DISP3: variants seen among roughly 807,000 people sequenced by gnomAD.
DISP3 encodes the protein dispatched RND transporter family member 3, also known as protein dispatched homolog 3.
DISP3 carries 101 observed loss-of-function variants against 135.3 expected under a neutral mutation model. The ratio of observed to expected loss-of-function variants is 0.75; its 90% CI spans 0.64 to 0.88. The LOEUF (loss-of-function observed/expected upper bound fraction) is 0.88. DISP3 is among the 40% of genes least tolerant of loss of function. The pLI is 0.00. For missense variants in DISP3, 1,713 were observed against 1,878.6 expected, an observed-to-expected ratio of 0.91 and a Z score of 1.63; for synonymous variants, 856 against 817.0, an observed-to-expected ratio of 1.05 and a Z score of -0.81.
chr1:11,510,609 T>TTTCAGTGTTTTTTGTTTC (rs59899154), intron 3 of DISP3, among the ~76,000 whole-genome samples: 129,384 of 152,012 alleles, frequency 0.85, 55,163 homozygotes, highest in Admixed American at 0.88. Flanking sequence ...TCATTACCAT[T>TTTCAGTGTTTTTTGTTTC]TTTGTATAGA....
chr1:11,530,979 A>G lies in DISP3; in HGVS notation c.3175A>G (p.Ile1059Val), dbSNP rs1642561924. 1.2e-6 allele frequency: 2 copies of G among 1,614,000 alleles called. No individual in the cohort carries two copies. The highest frequency in any genetic ancestry group is 1.3e-5 in the African/African-American group (1 of 75,040). ...IGHLCHLCKA[I>V]AANSELVKPG... The stretch of plus-strand genomic sequence containing the variant: ...GCACCTGTGTCACCTCTGCAAGGCC[A>G]TCGCAGCCAACTCCGAGCTGGTGAA... The change falls in exon 16 of 21, where the codon ATC becomes GTC. Residue 1059 changes from isoleucine to valine, a missense_variant. Around this residue, in one of 2 missense-constraint regions of DISP3, gnomAD observed 1,142 missense variants for 1,384.6 expected, o/e 0.82. Transcript: ENST00000294484.
Position 11,483,499 on chromosome 1 carries a change from C to T in DISP3, c.-4+4127C>T, listed in dbSNP as rs902124070. 3.9e-5 allele frequency among the ~76,000 whole-genome samples: 6 copies of T among 152,156 alleles called. No individual in the cohort carries two copies. Among genetic ancestry groups the T allele is most frequent in the African/African-American group, 9.7e-5 (4 of 41,428 alleles). ...AAGAGACTTGCCCAAGGTCACACAG[C>T]GAGAAGAGGCCAAGCTGGGATCAGA... On this transcript the variant is annotated intron_variant, in intron 1 of 20. Transcript: ENST00000294484. The surrounding 1 kb of genome is among the most constrained non-coding windows in gnomAD (Gnocchi z 5.4).
chr1:11,523,838 A>G, intron 10 of DISP3, 104 bp from the exon 11 acceptor site: 3 of 846,952 alleles, frequency 3.5e-6, no homozygotes, highest in South Asian at 3.8e-5. Context: ...CCTGGGCCCC[A>G]GTTCCTGAGA....
At chr1:11,528,767 C>A (rs1229161632) in intron 13 of DISP3, among the ~76,000 whole-genome samples, 6 of 152,094 alleles carry the variant, frequency 3.9e-5, no homozygotes. Flanking sequence ...TGCACGGGGA[C>A]TGTGGTCTCC....
At chr1:11,485,522 A>G (rs1448884000) in intron 1 of DISP3, among the ~76,000 whole-genome samples, 1 of 152,150 alleles carries the variant, frequency 6.6e-6, no homozygotes, top group African/African-American at 2.4e-5. Context: ...AACGGGGGTC[A>G]GGGTGGGGAA....
intron 3 of DISP3, among the ~76,000 whole-genome samples, chr1:11,503,514 G>A (rs1311079248): frequency 6.6e-6 from 1 of 152,178 alleles, no homozygotes; most frequent in Non-Finnish European, 1.5e-5. Context: ...GAGTCCGAAG[G>A]CCAGAGAGCG....
At chr1:11,497,138 T>G (rs1557596270) in intron 1 of DISP3, among the ~76,000 whole-genome samples, 1 of 152,238 alleles carries the variant, frequency 6.6e-6, no homozygotes, top group Non-Finnish European at 1.5e-5. Context: ...CCCCTGCCTA[T>G]GCTTATGTGG....
rs775282204 is a variant in DISP3 at position 11,501,501 on chromosome 1, GAGCCCCCCGCGTCATCCC to G, written c.510_527del (p.Pro172_Ala177del). On this transcript the variant is annotated inframe_deletion, in exon 2 of 21. Coordinates refer to ENST00000294484, the MANE Select transcript of DISP3 (RefSeq NM_020780.2). This position sits in a 1 kb window ranked among gnomAD's most constrained non-coding sequence, Gnocchi z 4.9. ...GGCAACCGCTCGCGGCAAGCCTCCCGAGCCCCCCGCGTCATCCCCGCGGCCTCACTCGGTGGCCCAGGC... is the reference window on the plus strand; with the variant it reads ...GGCAACCGCTCGCGGCAAGCCTCCCGCGCGGCCTCACTCGGTGGCCCAGGC... 1 of 1,606,546 alleles carries G rather than the reference GAGCCCCCCGCGTCATCCC, an allele frequency of 6.2e-7. No homozygotes were observed. Among genetic ancestry groups the G allele is most frequent in the African/African-American group, 1.3e-5 (1 of 74,848 alleles).
At chr1:11,480,920 T>C (rs1374215537) in intron 1 of DISP3, among the ~76,000 whole-genome samples, 1 of 112,442 alleles carries the variant, frequency 8.9e-6, no homozygotes, top group Non-Finnish European at 1.7e-5. Context: ...TGCTTGGCTC[T>C]CTACCTCAAT....
rs757828352 is a variant in DISP3, at chr1:11,519,368, T to G, written c.1903T>G (p.Cys635Gly). Reference protein sequence around the residue: ...SSCQTSCHQNCSRKTSLHFPG... With the variant: ...SSCQTSCHQNGSRKTSLHFPG... ...CTCTCTCCACAGCTGCCACCAGAAT[T>G]GCAGCCGGAAGACCTCCCTGCACTT... The change falls in exon 8 of 21, where the codon TGC (cysteine) becomes GGC (glycine). Residue 635 changes from cysteine to glycine, a missense_variant. By Grantham distance (159) the Cys-to-Gly change is radical. Transcript: ENST00000294484. The surrounding 1 kb of genome is among the most constrained non-coding windows in gnomAD (Gnocchi z 4.3). 6.2e-7 allele frequency: 1 copy of G among 1,613,722 alleles called. No individual in the cohort carries two copies. The highest frequency in any genetic ancestry group is 1.7e-5 in the Admixed American group (1 of 59,994).
rs111262313 is a variant in DISP3, at chr1:11,522,900, C to A, written c.2363-1042C>A. On this transcript the variant is annotated intron_variant, in intron 10 of 20. Transcript: ENST00000294484. ...AGCCAGAGCCCAGCCAGGACCCAGC[C>A]AGAGCCCAGCCAGGACCCAGCAAGG... Among the ~76,000 whole-genome samples the A allele has an allele frequency of 3.8e-4, 19 of 49,362 alleles. 2 individuals carry two copies. The highest frequency in any genetic ancestry group is 1.3e-3 in the African/African-American group (14 of 10,692). 32.4% of individuals were successfully genotyped at this position (49,362 alleles called of 152,430 possible). A position where few individuals can be genotyped will look rare whatever the true frequency, so the allele number is the denominator to read the frequency against.
At position 11,522,639 on chromosome 1, in the gene DISP3, A is replaced by ACCCAGCCAGAGCCCAGCCAGG. The variant is rs1557615099; in HGVS notation, c.2363-1303_2363-1302insCCCAGCCAGAGCCCAGCCAGG. Among the ~76,000 whole-genome samples, 42 of 50,102 alleles carry ACCCAGCCAGAGCCCAGCCAGG rather than the reference A, an allele frequency of 8.4e-4. 2 individuals carry two copies. Among genetic ancestry groups the ACCCAGCCAGAGCCCAGCCAGG allele is most frequent in the East Asian group, 2.1e-3 (3 of 1,412 alleles). 32.9% of individuals were successfully genotyped at this position (50,102 alleles called of 152,430 possible). On this transcript the variant is annotated intron_variant, in intron 10 of 20. Transcript: ENST00000294484. ...CAGGACCCAGCCAGAGCCCAGCCAGAGCCCAGCCAGGGCCCAGCCAGAGCC... is the reference window on the plus strand; with the variant it reads ...CAGGACCCAGCCAGAGCCCAGCCAGACCCAGCCAGAGCCCAGCCAGGGCCCAGCCAGGGCCCAGCCAGAGCC...
At chr1:11,525,088 C>T (rs746670525) in intron 11 of DISP3, 88 bp from the exon 12 acceptor site, 11 of 1,516,124 alleles carry the variant, frequency 7.3e-6, no homozygotes, top group African/African-American at 4.1e-5. Context: ...GCTCGTTAGT[C>T]GACAGAGCTG....
Position 11,516,836 on chromosome 1 carries a change from T to C in DISP3, c.1750-627T>C, listed in dbSNP as rs1477087587. The stretch of plus-strand genomic sequence containing the variant: ...CTTCTAGAAGGTAGGCAGAGCTGGG[T>C]TCAGCTTCTGCAGTGTGACCTTGGG... On this transcript the variant is annotated intron_variant, in intron 6 of 20. Coordinates refer to ENST00000294484, the MANE Select transcript of DISP3 (RefSeq NM_020780.2). The surrounding 1 kb of genome is among the most constrained non-coding windows in gnomAD (Gnocchi z 5.1). Among the ~76,000 whole-genome samples, 1 of 152,192 alleles carries C rather than the reference T, an allele frequency of 6.6e-6. No homozygotes were observed. Among genetic ancestry groups the C allele is most frequent in the Non-Finnish European group, 1.5e-5 (1 of 68,026 alleles).
At position 11,501,666 on chromosome 1, in the gene DISP3, G is replaced by A. The variant is rs1299514605; in HGVS notation, c.674G>A (p.Arg225Gln). Residue 225 changes from arginine (R) to glutamine (Q), a missense_variant, in exon 2 of 21, where the codon CGG becomes CAG. Physicochemically the swap from Arg to Gln is conservative, Grantham distance 43. Coordinates refer to ENST00000294484, the MANE Select transcript of DISP3 (RefSeq NM_020780.2). This position sits in a 1 kb window ranked among gnomAD's most constrained non-coding sequence, Gnocchi z 4.9. ...ANQSEDPRNQ[R>Q]LSKNGRYQPS... is the part of the protein sequence containing the mutation. ...CAGAGTGAAGACCCGCGAAACCAGCGGCTGAGCAAGAATGGGCGGTACCAG... is the reference window on the plus strand; with the variant it reads ...CAGAGTGAAGACCCGCGAAACCAGCAGCTGAGCAAGAATGGGCGGTACCAG... 2 of 1,608,002 alleles carry A rather than the reference G, an allele frequency of 1.2e-6. No homozygotes were observed. The highest frequency in any genetic ancestry group is 2.2e-5 in the East Asian group (1 of 44,688).
chr1:11,487,264 CT>C (rs1641063466), intron 1 of DISP3, among the ~76,000 whole-genome samples: 1 of 152,128 alleles, frequency 6.6e-6, no homozygotes, highest in South Asian at 2.1e-4. Context: ...TCGGAGGAGC[CT>C]GGGGAGGGGG....
chr1:11,531,620 C>T lies in DISP3; in HGVS notation c.3285C>T (p.Pro1095=), dbSNP rs376865683. The T allele has an allele frequency of 3.0e-5, 48 of 1,613,466 alleles. 2 individuals are homozygous for T. Among genetic ancestry groups the T allele is most frequent in the African/African-American group, 2.8e-4 (21 of 75,054 alleles). Residue 1095 remains proline, a synonymous_variant, in exon 17 of 21, where the codon CCC becomes CCT. Transcript: ENST00000294484. The surrounding 1 kb of genome is among the most constrained non-coding windows in gnomAD (Gnocchi z 5.2). ...QMLHPECKEL[P]EPNLLPGQLS... ...TGCACCCTGAGTGCAAGGAGCTGCC[C>T]GAGCCCAACCTGCTCCCGGGGCAGC...
At chr1:11,530,626 A>G (rs918809827) in intron 15 of DISP3, among the ~76,000 whole-genome samples, 6 of 151,736 alleles carry the variant, frequency 4.0e-5, no homozygotes, top group African/African-American at 1.5e-4. Context: ...GAGGGTGGGG[A>G]GAAAAGCAAG....
intron 1 of DISP3, among the ~76,000 whole-genome samples, chr1:11,486,658 T>A (rs1365007537): frequency 2.0e-5 from 3 of 152,150 alleles, no homozygotes; most frequent in South Asian, 2.1e-4. Flanking sequence ...GGAAAGGAGT[T>A]GAAGACATCA....
Sources: allele counts gnomAD v4.1 joint callset (sites outside exome capture counted in the v4.1 genomes callset), GRCh38; gene constraint gnomAD v4.1.1; regional missense constraint gnomAD v4.1.1; non-coding constraint Gnocchi (gnomAD v3.1); transcripts MANE v1.5; gene names NCBI Gene and HGNC (gene_info 2026-07-23, HGNC 2026-07-21).